SDCCAG8: variants seen among roughly 807,000 people sequenced by gnomAD.
SDCCAG8 encodes the protein SHH signaling and ciliogenesis regulator SDCCAG8.
A neutral mutation model predicts 101.8 loss-of-function variants in SDCCAG8; 74 were observed. The ratio of observed to expected loss-of-function variants is 0.73; its 90% CI spans 0.60 to 0.88. SDCCAG8 has a LOEUF of 0.88. Among genes scored for constraint, SDCCAG8 ranks in the 40% least tolerant of loss-of-function variants. The pLI is 0.00. For missense variants in SDCCAG8, 787 were observed against 822.6 expected, an observed-to-expected ratio of 0.96 and a Z score of 0.53; for synonymous variants, 281 against 292.9, an observed-to-expected ratio of 0.96 and a Z score of 0.41.
At chr1:243,317,579 C>T (rs534643219) in intron 9 of SDCCAG8, among the ~76,000 whole-genome samples, 2 of 152,310 alleles carry the variant, frequency 1.3e-5, no homozygotes, top group African/African-American at 4.8e-5. Flanking sequence ...TCTCGTCCTC[C>T]CAAAGTGCTG....
intron 6 of SDCCAG8, among the ~76,000 whole-genome samples, chr1:243,299,335 C>G (rs1017042310): frequency 2.0e-5 from 3 of 152,074 alleles, no homozygotes; most frequent in African/African-American, 7.2e-5. Context: ...CTATTTGTAT[C>G]TTTTTTGAAG....
chr1:243,371,223 A>C (rs551377837), intron 12 of SDCCAG8, among the ~76,000 whole-genome samples: 2 of 152,216 alleles, frequency 1.3e-5, no homozygotes, highest in East Asian at 3.9e-4. Flanking sequence ...AAGAGGTTTT[A>C]GAAGGCAGAC....
intron 9 of SDCCAG8, among the ~76,000 whole-genome samples, chr1:243,324,431 C>T (rs1290360935): frequency 6.8e-6 from 1 of 147,688 alleles, no homozygotes; most frequent in African/African-American, 2.5e-5. Context: ...TACCACTGCC[C>T]TGGTTCAAGG....
intron 4 of SDCCAG8, among the ~76,000 whole-genome samples, chr1:243,285,591 G>GTATT (rs2069532922): frequency 6.6e-6 from 1 of 152,188 alleles, no homozygotes; most frequent in Non-Finnish European, 1.5e-5. Flanking sequence ...ATTAGGTTAA[G>GTATT]TATTATATGA....
chr1:243,411,898 G>T (rs983267394), intron 13 of SDCCAG8, among the ~76,000 whole-genome samples: 3 of 152,104 alleles, frequency 2.0e-5, no homozygotes, highest in Admixed American at 6.5e-5. Flanking sequence ...TAACTACCAA[G>T]AAATTCTTTT....
chr1:243,273,061 C>T (rs1004559449), intron 3 of SDCCAG8, among the ~76,000 whole-genome samples: 2 of 152,084 alleles, frequency 1.3e-5, no homozygotes, highest in East Asian at 3.9e-4. Context: ...TTTATATTTG[C>T]CTATCTTCTG....
At chr1:243,358,275 A>C (rs898785583) in intron 12 of SDCCAG8, among the ~76,000 whole-genome samples, 1 of 152,170 alleles carries the variant, frequency 6.6e-6, no homozygotes, top group Non-Finnish European at 1.5e-5. Flanking sequence ...TAAATGGGCA[A>C]AAGATCCGAA....
At chr1:243,283,907 GT>G (rs1176412985) in intron 4 of SDCCAG8, among the ~76,000 whole-genome samples, 1 of 151,520 alleles carries the variant, frequency 6.6e-6, no homozygotes, top group Non-Finnish European at 1.5e-5. Context: ...CCCCCGGCTA[GT>G]TTTTTTTGCA....
In SDCCAG8 at chr1:243,330,630, G is replaced by A. The variant is rs776238778; in HGVS notation, c.1159G>A (p.Ala387Thr). ...KELASQQEKRAIEKDMMKKEI... is the reference protein window; with the variant it reads ...KELASQQEKRTIEKDMMKKEI... ...ACTTGCATCTCAGCAAGAGAAAAGG[G>A]CCATTGAGAAAGACATGATGAAAAA... is the stretch of plus-strand genomic sequence containing the variant. The change falls in exon 10 of 18, where the codon GCC becomes ACC. Residue 387 changes from alanine (A) to threonine (T), a missense_variant. Ala to Thr is a moderately conservative substitution (Grantham distance 58, BLOSUM62 0). Coordinates refer to ENST00000366541, the MANE Select transcript of SDCCAG8 (RefSeq NM_006642.5). 1.1e-5 allele frequency: 17 copies of A among 1,613,954 alleles called. No homozygotes were observed. In the South Asian group the frequency reaches 1.6e-4, roughly 16 times the overall value.
rs115808018 is a variant in SDCCAG8 at position 243,351,626 on chromosome 1, A to T, written c.1473+7295A>T. On this transcript the variant is annotated intron_variant, in intron 12 of 17. Coordinates refer to ENST00000366541, the MANE Select transcript of SDCCAG8 (RefSeq NM_006642.5). Reference sequence around the variant, plus strand: ...TTAGAGAAATTTGTGTTCTTATCGCAGCCTAACCAAGAATTCTGAGAAAAT... The same window carrying T: ...TTAGAGAAATTTGTGTTCTTATCGCTGCCTAACCAAGAATTCTGAGAAAAT... 5.4e-3 allele frequency among the ~76,000 whole-genome samples: 819 copies of T among 152,350 alleles called. 14 individuals are homozygous for T. The highest frequency in any genetic ancestry group is 0.018 in the African/African-American group (746 of 41,578).
rs1350882540 is a variant in SDCCAG8 at position 243,497,417 on chromosome 1, C to T, written c.2113-2339C>T. 5.3e-5 allele frequency among the ~76,000 whole-genome samples: 8 copies of T among 151,756 alleles called. No individual in the cohort carries two copies. In the South Asian group the frequency reaches 1.5e-3, roughly 28 times the overall value. Reference sequence around the variant, plus strand: ...TGGATATGGGGCTTCTCACCTGAACCGCAGGAAATACAAAGCCCATAGAGA... The same window carrying T: ...TGGATATGGGGCTTCTCACCTGAACTGCAGGAAATACAAAGCCCATAGAGA... On this transcript the variant is annotated intron_variant, in intron 17 of 17. Transcript: ENST00000366541.
intron 15 of SDCCAG8, among the ~76,000 whole-genome samples, chr1:243,422,606 C>G (rs1470823107): frequency 6.6e-6 from 1 of 151,990 alleles, no homozygotes; most frequent in Non-Finnish European, 1.5e-5. Context: ...AACACACACC[C>G]GGTTGAACTG....
At chr1:243,348,270 T>C (rs1425397482) in intron 12 of SDCCAG8, among the ~76,000 whole-genome samples, 1 of 150,150 alleles carries the variant, frequency 6.7e-6, no homozygotes, top group African/African-American at 2.5e-5. Flanking sequence ...CAGGATGGTC[T>C]CGATCTCCTG....
At chr1:243,281,602 ATTT>A in intron 4 of SDCCAG8, among the ~76,000 whole-genome samples, 1 of 123,574 alleles carries the variant, frequency 8.1e-6, no homozygotes, top group East Asian at 2.5e-4. Flanking sequence ...CATTGTCTTT[ATTT>A]TTTGTTTCTT....
Position 243,343,694 on chromosome 1 carries a change from G to A in SDCCAG8, c.1357-521G>A, listed in dbSNP as rs987841079. 5.1e-4 allele frequency among the ~76,000 whole-genome samples: 77 copies of A among 152,236 alleles called. 1 individual carries two copies. Among genetic ancestry groups the A allele is most frequent in the African/African-American group, 1.7e-3 (72 of 41,556 alleles). On this transcript the variant is annotated intron_variant, in intron 11 of 17. Transcript: ENST00000366541. The stretch of plus-strand genomic sequence containing the variant: ...TGATAAGATGACATCTGCAAACCTT[G>A]CAGTCAATACTGGATATTACAGACC...
At chr1:243,439,381 T>C (rs1158678518) in intron 16 of SDCCAG8, among the ~76,000 whole-genome samples, 1 of 152,082 alleles carries the variant, frequency 6.6e-6, no homozygotes, top group Non-Finnish European at 1.5e-5. Context: ...CTCAGCACTT[T>C]GGGAGGCCAA....
intron 17 of SDCCAG8, 127 bp downstream of exon 17, chr1:243,489,267 C>T: frequency 1.6e-6 from 2 of 1,286,170 alleles, no homozygotes; most frequent in South Asian, 1.4e-5. Flanking sequence ...GGAGGGAGGT[C>T]CCGAAGACTG....
chr1:243,273,226 C>G (rs2068239039), intron 3 of SDCCAG8, among the ~76,000 whole-genome samples: 1 of 152,082 alleles, frequency 6.6e-6, no homozygotes, highest in Non-Finnish European at 1.5e-5. Flanking sequence ...ATAGCTGGTA[C>G]TTGATTATCA....
At chr1:243,316,456 C>G (rs964409508) in intron 8 of SDCCAG8, among the ~76,000 whole-genome samples, 36 of 152,288 alleles carry the variant, frequency 2.4e-4, no homozygotes, top group East Asian at 1.3e-3. Context: ...CACCTCCCCC[C>G]ACTTTTAAAA....
Sources: allele counts gnomAD v4.1 joint callset (sites outside exome capture counted in the v4.1 genomes callset), GRCh38; gene constraint gnomAD v4.1.1; transcripts MANE v1.5; gene names NCBI Gene and HGNC (gene_info 2026-07-23, HGNC 2026-07-21).